The following DIAPH2 variants were observed in gnomAD, a reference collection of about 807,000 sequenced individuals.
DIAPH2 encodes the protein diaphanous related formin 2.
Under a neutral mutation model 92.7 loss-of-function variants are expected in DIAPH2, and 35 were observed. The ratio of observed to expected loss-of-function variants is 0.38; its 90% CI spans 0.29 to 0.50. The LOEUF (loss-of-function observed/expected upper bound fraction) is 0.50, where lower values mean the gene tolerates loss of function less well. Ranked by LOEUF, DIAPH2 falls within the 20% of genes least tolerant of loss-of-function variation. The pLI is 0.94. For synonymous variants in DIAPH2, 301 were observed against 280.4 expected, an observed-to-expected ratio of 1.07 and a Z score of -0.73; for missense variants, 701 against 819.5, an observed-to-expected ratio of 0.86 and a Z score of 1.77.
At chrX:96,948,574 A>T (rs771427094) in intron 14 of DIAPH2, among the ~76,000 whole-genome samples, 11 of 112,228 alleles carry the variant, frequency 9.8e-5, no homozygotes, top group Non-Finnish European at 1.9e-4. Context: ...ACTCTGTCTC[A>T]AACGGTATGG....
At chrX:97,558,424 C>T (rs1296971550) in intron 26 of DIAPH2, among the ~76,000 whole-genome samples, 2 of 111,765 alleles carry the variant, frequency 1.8e-5, no homozygotes, top group Non-Finnish European at 3.8e-5. Context: ...AAGGCTAAGC[C>T]AAAGTCCCAG....
chrX:96,717,372 T>G (rs918746321), intron 1 of DIAPH2, among the ~76,000 whole-genome samples: 1 of 110,928 alleles, frequency 9.0e-6, no homozygotes, highest in African/African-American at 3.3e-5. Context: ...AGCACTGAAG[T>G]CTGACTGTTA....
At chrX:97,324,046 A>T (rs2147658859) in intron 23 of DIAPH2, among the ~76,000 whole-genome samples, 1 of 111,530 alleles carries the variant, frequency 9.0e-6, no homozygotes, top group South Asian at 3.8e-4. Context: ...CTCTGATAAT[A>T]ACCAACTTTA....
chrX:97,372,977 CAAAAA>C (rs1014296213), intron 24 of DIAPH2, among the ~76,000 whole-genome samples: 8 of 92,602 alleles, frequency 8.6e-5, no homozygotes, highest in African/African-American at 2.8e-4. Flanking sequence ...AACTCCGTCT[CAAAAA>C]AAAAAAAGAA....
intron 26 of DIAPH2, among the ~76,000 whole-genome samples, chrX:97,512,192 T>C (rs1364522921): frequency 1.3e-4 from 15 of 113,411 alleles, no homozygotes; most frequent in South Asian, 3.5e-4. Context: ...TCAGAGACTC[T>C]TATTGGTCTA....
At chrX:97,589,487 G>A (rs1385714258) in intron 26 of DIAPH2, among the ~76,000 whole-genome samples, 1 of 109,549 alleles carries the variant, frequency 9.1e-6, no homozygotes, top group Non-Finnish European at 1.9e-5. Flanking sequence ...CTTATCATAT[G>A]GACCTCTTTT....
At chrX:97,370,029 G>A (rs867066641) in intron 24 of DIAPH2, among the ~76,000 whole-genome samples, 14 of 111,237 alleles carry the variant, frequency 1.3e-4, no homozygotes, top group African/African-American at 4.6e-4. Context: ...TTCTTTTGAT[G>A]ATCCCTAAGA....
chrX:97,472,500 G>A (rs1260485702), intron 26 of DIAPH2, among the ~76,000 whole-genome samples: 1 of 112,326 alleles, frequency 8.9e-6, no homozygotes, highest in African/African-American at 3.2e-5. Flanking sequence ...AGGCAGTTAC[G>A]TTTGAATATT....
At chrX:97,405,969 C>A (rs2069806232) in intron 25 of DIAPH2, among the ~76,000 whole-genome samples, 2 of 111,510 alleles carry the variant, frequency 1.8e-5, no homozygotes, top group African/African-American at 6.5e-5. Context: ...AATAGGAAAA[C>A]CCTCTCCCTG....
intron 26 of DIAPH2, among the ~76,000 whole-genome samples, chrX:97,553,282 T>G (rs1199081192): frequency 8.9e-6 from 1 of 112,299 alleles, no homozygotes; most frequent in East Asian, 2.8e-4. Flanking sequence ...ATTAATTAAA[T>G]ATTCACAACA....
At chrX:96,866,896 T>A (rs1484104793) in intron 4 of DIAPH2, among the ~76,000 whole-genome samples, 1 of 112,286 alleles carries the variant, frequency 8.9e-6, no homozygotes, top group African/African-American at 3.2e-5. Context: ...GTAAATTGTA[T>A]AATGTGGACC....
chrX:97,389,294 C>T (rs1412683758), intron 25 of DIAPH2, among the ~76,000 whole-genome samples: 1 of 108,659 alleles, frequency 9.2e-6, no homozygotes, highest in African/African-American at 3.4e-5. Flanking sequence ...TGGTGAAACC[C>T]CGTCTCTACT....
chrX:97,543,146 A>G (rs2071153672), intron 26 of DIAPH2, among the ~76,000 whole-genome samples: 1 of 112,307 alleles, frequency 8.9e-6, no homozygotes, highest in Admixed American at 9.4e-5. Flanking sequence ...GGGTAGTCCC[A>G]TTCATATGTT....
At chrX:96,727,136 A>G (rs970469967) in intron 1 of DIAPH2, among the ~76,000 whole-genome samples, 3 of 112,206 alleles carry the variant, frequency 2.7e-5, no homozygotes, top group African/African-American at 9.7e-5. Flanking sequence ...AAACTTGAAT[A>G]CATTTGAGTT....
intron 22 of DIAPH2, among the ~76,000 whole-genome samples, chrX:97,189,546 T>C (rs2067635722): frequency 9.5e-6 from 1 of 105,149 alleles, no homozygotes; most frequent in Non-Finnish European, 1.9e-5. Context: ...GAATTACAAA[T>C]GATATTTTAA....
intron 17 of DIAPH2, among the ~76,000 whole-genome samples, chrX:97,059,026 A>G (rs1459382893): frequency 8.9e-6 from 1 of 112,084 alleles, no homozygotes; most frequent in African/African-American, 3.2e-5. Context: ...GTCTTAATGG[A>G]TAGATAAAGG....
At chrX:97,268,943 G>A (rs781615839) in intron 23 of DIAPH2, among the ~76,000 whole-genome samples, 20 of 98,605 alleles carry the variant, frequency 2.0e-4, no homozygotes, top group African/African-American at 6.9e-4. Flanking sequence ...TGCAACCTCC[G>A]CCTCCCAGGT....
At chrX:97,425,072 T>A (rs1382679400) in intron 25 of DIAPH2, among the ~76,000 whole-genome samples, 1 of 112,714 alleles carries the variant, frequency 8.9e-6, no homozygotes, top group African/African-American at 3.2e-5. Context: ...ATATATTTTT[T>A]CAGTAATTTA....
In DIAPH2 at chrX:97,601,908, G is replaced by A. The variant is rs763319762; in HGVS notation, c.*2591G>A. ...CCACGTCCACCTTTTGGTGGCTATT[G>A]GCATTTTTTGGCTTATGGCCACATT... On this transcript the variant is annotated 3_prime_UTR_variant, in exon 27 of 27. Coordinates refer to ENST00000324765, the MANE Select transcript of DIAPH2 (RefSeq NM_006729.5). 8.9e-6 allele frequency: 1 copy of A among 111,885 alleles called. No individual in the cohort carries two copies. Among genetic ancestry groups the A allele is most frequent in the Non-Finnish European group, 1.9e-5 (1 of 53,196 alleles). 9.2% of individuals were successfully genotyped at this position (111,885 alleles called of 1,213,427 possible).
Sources: gnomAD v4.1 joint callset for allele counts (sites outside exome capture counted in the v4.1 genomes callset) on GRCh38, gnomAD v4.1.1 for gene constraint, MANE v1.5 for transcripts, NCBI Gene and HGNC (gene_info 2026-07-23, HGNC 2026-07-21) for gene names.